The following SUPT4H1 variants were observed in gnomAD, a reference collection of about 807,000 sequenced individuals.
SUPT4H1 encodes the protein SPT4 homolog, DSIF elongation factor subunit, also known as transcription elongation factor SPT4.
SUPT4H1 carries 12 observed loss-of-function variants against 19.4 expected under a neutral mutation model. The observed-to-expected ratio is 0.62, with a 90% CI of 0.40 to 1.00. The LOEUF (loss-of-function observed/expected upper bound fraction) is 1.00, where lower values mean the gene tolerates loss of function less well. SUPT4H1 is among the 50% of genes least tolerant of loss of function. SUPT4H1 has a pLI of 0.00. For missense variants in SUPT4H1, 115 were observed against 149.2 expected (o/e 0.77, Z 1.19); for synonymous variants, 58 against 56.3 (o/e 1.03, Z -0.14).
At position 58,352,184 on chromosome 17, in the gene SUPT4H1, C is replaced by T. The variant is rs779829511; in HGVS notation, c.-49G>A. ...GGGAGATAGACGACCACAGCCTGTG[C>T]ACCCGCAGGAAGTAAATAGCTCGTT... On this transcript the variant is annotated 5_prime_UTR_variant, in exon 1 of 5. Transcript: ENST00000225504. 1 of 1,577,310 alleles carries T rather than the reference C, an allele frequency of 6.3e-7. No homozygotes were observed. Among genetic ancestry groups the T allele is most frequent in the Admixed American group, 1.7e-5 (1 of 59,716 alleles).
chr17:58,345,965 T>A lies in SUPT4H1; in HGVS notation c.*281A>T. ...ATATTTATTGACATTTGACCTAGAG[T>A]CCTTGGCATGGGGAAGGCACAGACC... is the stretch of plus-strand genomic sequence containing the variant. On this transcript the variant is annotated 3_prime_UTR_variant, in exon 5 of 5. Coordinates refer to ENST00000225504, the MANE Select transcript of SUPT4H1 (RefSeq NM_003168.3). 1 of 366,336 alleles carries A rather than the reference T, an allele frequency of 2.7e-6. No individual in the cohort carries two copies. The allele number at this position is 366,336 out of a possible 1,614,324, so 22.7% of individuals were successfully genotyped here.
chr17:58,346,185 G>T lies in SUPT4H1; in HGVS notation c.*61C>A. On this transcript the variant is annotated 3_prime_UTR_variant, in exon 5 of 5. Coordinates refer to ENST00000225504, the MANE Select transcript of SUPT4H1 (RefSeq NM_003168.3). ...TTGAAGTTCTGTTCATTTAGTTCCA[G>T]AACAAGAAATAAGCAGAGGCAGGAG... 7.1e-7 allele frequency: 1 copy of T among 1,398,950 alleles called. No individual in the cohort carries two copies. The highest frequency in any genetic ancestry group is 1.2e-5 in the South Asian group (1 of 86,528). 86.7% of individuals were successfully genotyped at this position (1,398,950 alleles called of 1,614,324 possible). A position where few individuals can be genotyped will look rare whatever the true frequency, so the allele number is the denominator to read the frequency against.
chr17:58,350,701 T>C (rs1278071578), intron 2 of SUPT4H1, among the ~76,000 whole-genome samples: 1 of 150,572 alleles, frequency 6.6e-6, no homozygotes, highest in Non-Finnish European at 1.5e-5. Context: ...CTGGGAGTGG[T>C]GGTGGGTGCC....
At chr17:58,351,530 A>C in intron 1 of SUPT4H1, 22 bp from the exon 2 acceptor site, 2 of 1,524,572 alleles carry the variant, frequency 1.3e-6, no homozygotes, top group South Asian at 2.3e-5. Context: ...AGAAAAATAA[A>C]GGAAAAGGAG....
intron 2 of SUPT4H1, among the ~76,000 whole-genome samples, chr17:58,349,690 G>A (rs1972416553): frequency 6.6e-6 from 1 of 152,188 alleles, no homozygotes. Context: ...ACATACAAGG[G>A]AATATTATTC....
chr17:58,347,269 T>G lies in SUPT4H1; in HGVS notation c.233-28A>C, dbSNP rs564624651. 15 of 1,613,042 alleles carry G rather than the reference T, an allele frequency of 9.3e-6. No individual in the cohort carries two copies. The South Asian group carries it at 1.6e-4, about 18-fold the overall frequency. On this transcript the variant is annotated intron_variant, in intron 3 of 4. Coordinates refer to ENST00000225504, the MANE Select transcript of SUPT4H1 (RefSeq NM_003168.3). ...GAGAGAGAAGAAAAAAGATACAAGA[T>G]TACAGTGAAGTTAGTTAAGACTCAA...
rs964736149 is a variant in SUPT4H1, at chr17:58,347,418, G to A, written c.232+111C>T. On this transcript the variant is annotated intron_variant, in intron 3 of 4. Transcript: ENST00000225504. ...TGCTTCCCTGTGTTTCCTACAACCC[G>A]ATCTTTCCCACCCTGAGGTCACTCA... 22 of 1,435,110 alleles carry A rather than the reference G, an allele frequency of 1.5e-5. No individual in the cohort carries two copies. The African/African-American group carries it at 1.8e-4, about 12-fold the overall frequency. The allele number at this position is 1,435,110 out of a possible 1,614,324, so 88.9% of individuals were successfully genotyped here.
chr17:58,351,100 G>A (rs1972496260), intron 2 of SUPT4H1, among the ~76,000 whole-genome samples: 1 of 151,924 alleles, frequency 6.6e-6, no homozygotes, highest in Admixed American at 6.6e-5. Flanking sequence ...GCACTAGTAT[G>A]TCCCAAAATA....
rs1305472621 is a variant in SUPT4H1 at position 58,345,665 on chromosome 17, G to A, written c.*581C>T. On this transcript the variant is annotated 3_prime_UTR_variant, in exon 5 of 5. Coordinates refer to ENST00000225504, the MANE Select transcript of SUPT4H1 (RefSeq NM_003168.3). ...GGATTTCTTCAAGGGATACTGCTGT[G>A]CCAGGTCTCGAGGGCAGAAGGATAC... 6.6e-6 allele frequency: 1 copy of A among 152,506 alleles called. No homozygotes were observed. The highest frequency in any genetic ancestry group is 2.4e-5 in the African/African-American group (1 of 41,398). 9.4% of individuals were successfully genotyped at this position (152,506 alleles called of 1,614,324 possible).
In SUPT4H1 at chr17:58,347,224, C is replaced by T; in HGVS notation, c.250G>A (p.Val84Ile). The change falls in exon 4 of 5, where the codon GTA becomes ATA. Residue 84 changes from valine to isoleucine, a missense_variant. Physicochemically the swap from Val to Ile is conservative, Grantham distance 29. Transcript: ENST00000225504. ...CGACCAGTGACTGACACCGCATATA[C>T]ACCTGGCTTAAAGTTACCTGAGAGA... ...WQRVSNFKPG[V>I]YAVSVTGRLP... 6.2e-7 allele frequency: 1 copy of T among 1,614,160 alleles called. No homozygotes were observed. The highest frequency in any genetic ancestry group is 8.5e-7 in the Non-Finnish European group (1 of 1,180,036).
At chr17:58,349,521 G>A (rs930542483) in intron 2 of SUPT4H1, among the ~76,000 whole-genome samples, 18 of 152,162 alleles carry the variant, frequency 1.2e-4, no homozygotes, top group Admixed American at 7.9e-4. Context: ...GTAACTCCTC[G>A]GAAGTTGAGG....
intron 4 of SUPT4H1, among the ~76,000 whole-genome samples, chr17:58,346,709 ACT>A (rs1355387511): frequency 8.7e-6 from 1 of 115,184 alleles, no homozygotes; most frequent in Non-Finnish European, 1.7e-5. Context: ...GGTGACAGAG[ACT>A]CTGTCTCAAA....
rs1401255591 is a variant in SUPT4H1 at position 58,347,289 on chromosome 17, A to G, written c.233-48T>C. The G allele has an allele frequency of 3.8e-6, 6 of 1,596,132 alleles. No homozygotes were observed. The African/African-American group carries it at 8.1e-5, about 21-fold the overall frequency. Reference sequence around the variant, plus strand: ...CAAGATTACAGTGAAGTTAGTTAAGACTCAAGATCAAATGGAAGCTTAAGC... The same window carrying G: ...CAAGATTACAGTGAAGTTAGTTAAGGCTCAAGATCAAATGGAAGCTTAAGC... On this transcript the variant is annotated intron_variant, in intron 3 of 4. Coordinates refer to ENST00000225504, the MANE Select transcript of SUPT4H1 (RefSeq NM_003168.3).
intron 4 of SUPT4H1, among the ~76,000 whole-genome samples, 176 bp downstream of exon 4, chr17:58,347,012 G>C (rs1972316547): frequency 6.6e-6 from 1 of 152,050 alleles, no homozygotes; most frequent in Non-Finnish European, 1.5e-5. Flanking sequence ...TCCAATCCTG[G>C]CTCCTCATTT....
Position 58,346,155 on chromosome 17 carries a change from A to C in SUPT4H1, c.*91T>G. ...GCTGAGTCTGAATTGGAGGGTAGGA[A>C]GTATTTGAAGTTCTGTTCATTTAGT... On this transcript the variant is annotated 3_prime_UTR_variant, in exon 5 of 5. Transcript: ENST00000225504. 1 of 1,011,302 alleles carries C rather than the reference A, an allele frequency of 9.9e-7. No individual in the cohort carries two copies. The highest frequency in any genetic ancestry group is 1.3e-5 in the South Asian group (1 of 77,932). The allele number at this position is 1,011,302 out of a possible 1,614,324, so 62.6% of individuals were successfully genotyped here.
At chr17:58,346,718 C>CAAAAA (rs33965188) in intron 4 of SUPT4H1, among the ~76,000 whole-genome samples, 8 of 72,176 alleles carry the variant, frequency 1.1e-4, no homozygotes, top group Middle Eastern at 8.3e-3. Context: ...GACTCTGTCT[C>CAAAAA]AAAAAAAAAA....
intron 2 of SUPT4H1, among the ~76,000 whole-genome samples, chr17:58,347,921 G>A (rs1384880403): frequency 2.0e-5 from 3 of 152,168 alleles, no homozygotes; most frequent in Non-Finnish European, 4.4e-5. Context: ...AGGGGTCTAG[G>A]GCCTAGTGCA....
At chr17:58,350,279 C>T (rs954245662) in intron 2 of SUPT4H1, among the ~76,000 whole-genome samples, 4 of 151,510 alleles carry the variant, frequency 2.6e-5, no homozygotes, top group East Asian at 1.9e-4. Flanking sequence ...TTTGGGAGGC[C>T]GAGGCGGGTG....
intron 1 of SUPT4H1, chr17:58,351,791 G>A: frequency 3.5e-6 from 2 of 567,670 alleles, no homozygotes; most frequent in African/African-American, 1.9e-5. Flanking sequence ...ATCCCCACCC[G>A]CCTCTGACTC....
Sources: allele counts gnomAD v4.1 joint callset (sites outside exome capture counted in the v4.1 genomes callset), GRCh38; gene constraint gnomAD v4.1.1; transcripts MANE v1.5; gene names NCBI Gene and HGNC (gene_info 2026-07-23, HGNC 2026-07-21).